Variants in ATRNL1 observed in about 807,000 individuals in gnomAD.
ATRNL1 encodes the protein attractin-like protein 1.
A neutral mutation model predicts 182.7 loss-of-function variants in ATRNL1; 95 were observed. The ratio of observed to expected loss-of-function variants is 0.52; its 90% CI spans 0.44 to 0.62. The LOEUF is 0.62. Ranked by LOEUF, ATRNL1 falls within the 20% of genes least tolerant of loss-of-function variation. The probability of loss-of-function intolerance (pLI) is 0.00; values close to 1 mark genes in which losing one functional copy is unlikely to be tolerated. For missense variants in ATRNL1, 1,471 were observed against 1,679.5 expected (o/e 0.88, Z 2.17); for synonymous variants, 576 against 568.3 (o/e 1.01, Z -0.19).
intron 26 of ATRNL1, among the ~76,000 whole-genome samples, chr10:115,560,620 C>T (rs1414901446): frequency 6.6e-6 from 1 of 152,258 alleles, no homozygotes; most frequent in East Asian, 1.9e-4. Context: ...CAACATGATA[C>T]TTATCCAAAT....
At chr10:115,446,272 A>T (rs1255329859) in intron 21 of ATRNL1, among the ~76,000 whole-genome samples, 1 of 151,946 alleles carries the variant, frequency 6.6e-6, no homozygotes, top group African/African-American at 2.4e-5. Context: ...TTCGTATTTG[A>T]CCTACATAGC....
At chr10:115,780,443 T>C (rs1200109872) in intron 27 of ATRNL1, among the ~76,000 whole-genome samples, 1 of 152,154 alleles carries the variant, frequency 6.6e-6, no homozygotes, top group East Asian at 1.9e-4. Flanking sequence ...TAGACCTTGG[T>C]AGGGGGCACA....
chr10:115,095,570 T>C (rs1196511680), intron 1 of ATRNL1, among the ~76,000 whole-genome samples: 1 of 152,176 alleles, frequency 6.6e-6, no homozygotes, highest in Non-Finnish European at 1.5e-5. Context: ...CTAGGGTTTA[T>C]ACTTTAAAGG....
intron 26 of ATRNL1, among the ~76,000 whole-genome samples, chr10:115,722,156 A>G (rs889231163): frequency 6.6e-6 from 1 of 152,012 alleles, no homozygotes; most frequent in Non-Finnish European, 1.5e-5. Context: ...CAACTCAGTG[A>G]ATACTTGTCA....
At chr10:115,375,079 C>T (rs1186772623) in intron 19 of ATRNL1, among the ~76,000 whole-genome samples, 1 of 151,256 alleles carries the variant, frequency 6.6e-6, no homozygotes, top group African/African-American at 2.4e-5. Context: ...CAAGGGTATT[C>T]AAGTCCCTTA....
chr10:115,854,116 C>T (rs1951121250), intron 28 of ATRNL1, among the ~76,000 whole-genome samples: 1 of 152,254 alleles, frequency 6.6e-6, no homozygotes, highest in South Asian at 2.1e-4. Context: ...AATAATCATG[C>T]AAATAAACTC....
At chr10:115,794,257 C>G (rs978364844) in intron 27 of ATRNL1, among the ~76,000 whole-genome samples, 24 of 152,082 alleles carry the variant, frequency 1.6e-4, no homozygotes, top group Admixed American at 3.3e-4. Context: ...TTTCCTCATA[C>G]CATTTCAGAG....
intron 8 of ATRNL1, among the ~76,000 whole-genome samples, chr10:115,205,955 A>T (rs1467215341): frequency 2.0e-5 from 3 of 152,092 alleles, no homozygotes; most frequent in African/African-American, 7.2e-5. Context: ...CTTCTGCTTC[A>T]TATCCCTTCA....
At chr10:115,836,067 C>A (rs78354583) in intron 27 of ATRNL1, among the ~76,000 whole-genome samples, 2,501 of 152,296 alleles carry the variant, frequency 0.016, 82 homozygotes, top group African/African-American at 0.057. Context: ...ACGTATACTA[C>A]CTTTGCATTC....
chr10:115,819,646 T>C (rs115880672), intron 27 of ATRNL1, among the ~76,000 whole-genome samples: 2,471 of 152,220 alleles, frequency 0.016, 83 homozygotes, highest in African/African-American at 0.057. Flanking sequence ...TCTGTATCAC[T>C]GTTTCTATCT....
chr10:115,885,677 G>T (rs1951928096), intron 28 of ATRNL1, among the ~76,000 whole-genome samples: 1 of 152,120 alleles, frequency 6.6e-6, no homozygotes, highest in African/African-American at 2.4e-5. Flanking sequence ...TCTTGTAGAT[G>T]AATCTCACTG....
chr10:115,699,738 T>C (rs1300984489), intron 26 of ATRNL1, among the ~76,000 whole-genome samples: 2 of 152,168 alleles, frequency 1.3e-5, no homozygotes, highest in African/African-American at 2.4e-5. Flanking sequence ...GCAGGTTTCT[T>C]ACATGGGTAC....
chr10:115,672,451 T>G (rs1555041698), intron 26 of ATRNL1, among the ~76,000 whole-genome samples: 6 of 152,148 alleles, frequency 3.9e-5, no homozygotes, highest in African/African-American at 1.4e-4. Context: ...GTCTCATAAA[T>G]TGAATCCTAA....
At chr10:115,760,121 A>T (rs1467768764) in intron 27 of ATRNL1, among the ~76,000 whole-genome samples, 1 of 151,602 alleles carries the variant, frequency 6.6e-6, no homozygotes, top group African/African-American at 2.4e-5. Context: ...GGCTCATTAC[A>T]TATGATTTTA....
intron 20 of ATRNL1, among the ~76,000 whole-genome samples, chr10:115,414,411 C>G (rs1372886030): frequency 3.3e-5 from 5 of 150,840 alleles, no homozygotes; most frequent in African/African-American, 1.2e-4. Context: ...TCCTTTTTTA[C>G]TTTCTTTTTC....
At chr10:115,886,347 T>C (rs1329450842) in intron 28 of ATRNL1, among the ~76,000 whole-genome samples, 4 of 152,176 alleles carry the variant, frequency 2.6e-5, no homozygotes, top group African/African-American at 9.6e-5. Context: ...AAACCCCGTC[T>C]CTACTAAAAA....
At chr10:115,262,639 C>T (rs1695624808) in intron 10 of ATRNL1, among the ~76,000 whole-genome samples, 1 of 151,632 alleles carries the variant, frequency 6.6e-6, no homozygotes, top group South Asian at 2.1e-4. Context: ...ATACATATAG[C>T]CAGCAAAGGA....
At chr10:115,777,985 C>T (rs550399299) in intron 27 of ATRNL1, among the ~76,000 whole-genome samples, 6 of 151,472 alleles carry the variant, frequency 4.0e-5, no homozygotes, top group South Asian at 2.1e-4. Flanking sequence ...AAACTTATTG[C>T]GAACTTGTGG....
chr10:115,804,773 C>T (rs1949880804), intron 27 of ATRNL1, among the ~76,000 whole-genome samples: 1 of 152,054 alleles, frequency 6.6e-6, no homozygotes, highest in African/African-American at 2.4e-5. Context: ...TCCTCTATAC[C>T]TCTCCCAAGT....
Sources: gnomAD v4.1 joint callset for allele counts (sites outside exome capture counted in the v4.1 genomes callset) on GRCh38, gnomAD v4.1.1 for gene constraint, MANE v1.5 for transcripts, NCBI Gene and HGNC (gene_info 2026-07-23, HGNC 2026-07-21) for gene names.